The following NOTCH2 variants were observed in gnomAD, a reference collection of about 807,000 sequenced individuals.
NOTCH2 encodes notch receptor 2, also known as neurogenic locus notch homolog protein 2.
A neutral mutation model predicts 235.8 loss-of-function variants in NOTCH2; 29 were observed. The ratio of observed to expected loss-of-function variants is 0.12; its 90% CI spans 0.09 to 0.17. NOTCH2 has a LOEUF of 0.17. Ranked by LOEUF, NOTCH2 falls within the 10% of genes least tolerant of loss-of-function variation. The pLI, the probability that NOTCH2 is intolerant of heterozygous loss-of-function variation, is 1.00. For missense variants in NOTCH2, 2,285 were observed against 3,150.2 expected, an observed-to-expected ratio of 0.73 and a Z score of 6.57; for synonymous variants, 1,086 against 1,141.5, an observed-to-expected ratio of 0.95 and a Z score of 0.98.
chr1:119,971,381 G>A (rs1351217652), intron 5 of NOTCH2, among the ~76,000 whole-genome samples: 2 of 152,178 alleles, frequency 1.3e-5, no homozygotes, highest in Non-Finnish European at 2.9e-5. Flanking sequence ...AAACCCTCCT[G>A]GCCATGGCTG....
At chr1:120,003,136 T>C (rs1772496) in intron 3 of NOTCH2, among the ~76,000 whole-genome samples, 2 of 152,168 alleles carry the variant, frequency 1.3e-5, no homozygotes, top group Non-Finnish European at 2.9e-5. Flanking sequence ...CATCTGTCAG[T>C]AAATATAAAG....
intron 10 of NOTCH2, 115 bp downstream of exon 10, chr1:119,965,336 CAG>C: frequency 2.3e-6 from 2 of 864,904 alleles, no homozygotes; most frequent in Non-Finnish European, 4.0e-6. Flanking sequence ...TTCCTAAACA[CAG>C]AGGAGCCTCT....
chr1:119,974,680 T>C (rs952138638), intron 5 of NOTCH2, among the ~76,000 whole-genome samples: 5 of 152,232 alleles, frequency 3.3e-5, no homozygotes, highest in Non-Finnish European at 7.3e-5. Flanking sequence ...TAAGCTGCTC[T>C]GTCCACCTGA....
At chr1:119,952,357 C>T (rs1265888045) in intron 14 of NOTCH2, among the ~76,000 whole-genome samples, 1 of 152,080 alleles carries the variant, frequency 6.6e-6, no homozygotes, top group Non-Finnish European at 1.5e-5. Context: ...TTATTGTGCA[C>T]TTTACTTTTA....
chr1:119,943,047 A>G (rs1650119647), intron 17 of NOTCH2, among the ~76,000 whole-genome samples: 1 of 151,896 alleles, frequency 6.6e-6, no homozygotes, highest in African/African-American at 2.4e-5. Context: ...TAATTTTTGT[A>G]TTTTTAGTAC....
chr1:119,954,770 A>C (rs1002649184), intron 13 of NOTCH2, among the ~76,000 whole-genome samples: 7 of 152,234 alleles, frequency 4.6e-5, no homozygotes, highest in Non-Finnish European at 7.3e-5. Context: ...TCATACAATG[A>C]GTATGGGTTC....
intron 22 of NOTCH2, among the ~76,000 whole-genome samples, chr1:119,932,651 C>CTA (rs1649710797): frequency 1.3e-5 from 2 of 149,160 alleles, no homozygotes; most frequent in East Asian, 1.9e-4. Flanking sequence ...ATCTATCTAT[C>CTA]TCAGAGAGAG....
intron 5 of NOTCH2, among the ~76,000 whole-genome samples, chr1:119,981,228 G>C (rs960341958): frequency 7.1e-6 from 1 of 141,770 alleles, no homozygotes. Flanking sequence ...CACTCTTCTC[G>C]ATCACCTTCC....
intron 18 of NOTCH2, 62 bp from the exon 19 acceptor site, chr1:119,940,818 G>A: frequency 7.0e-7 from 1 of 1,426,138 alleles, no homozygotes; most frequent in Non-Finnish European, 9.9e-7. Context: ...CTACTACAAA[G>A]TAAGATTTCT....
intron 22 of NOTCH2, among the ~76,000 whole-genome samples, chr1:119,933,059 C>G (rs1553195358): frequency 6.6e-6 from 1 of 152,102 alleles, no homozygotes; most frequent in Non-Finnish European, 1.5e-5. Flanking sequence ...AGTATATGCT[C>G]CCTGTCTCAA....
rs779026020 is a variant in NOTCH2, at chr1:119,916,141, T to C, written c.6581A>G (p.His2194Arg). The C allele has an allele frequency of 1.9e-6, 3 of 1,614,122 alleles. No homozygotes were observed. The highest frequency in any genetic ancestry group is 2.2e-5 in the South Asian group (2 of 91,088). ...AGAAAAAGATAGTGCATGCTGGGCA[T>C]GGACTGGGGCAGGAGGGGCGGCAGT... Reference protein sequence around the residue: ...LATAAPPAPVHAQHALSFSNL... With the variant: ...LATAAPPAPVRAQHALSFSNL... The change falls in exon 34 of 34, where the codon CAT (histidine) becomes CGT (arginine). Residue 2194 changes from histidine to arginine, a missense_variant. This residue lies in a region of NOTCH2 where 504 missense variants were observed against 538.0 expected (regional missense o/e 0.94). Coordinates refer to ENST00000256646, the MANE Select transcript of NOTCH2 (RefSeq NM_024408.4).
At chr1:119,979,265 A>G (rs1319405690) in intron 5 of NOTCH2, among the ~76,000 whole-genome samples, 1 of 152,188 alleles carries the variant, frequency 6.6e-6, no homozygotes, top group Non-Finnish European at 1.5e-5. Context: ...GCTTTGCAGA[A>G]GAAAGAATGA....
intron 22 of NOTCH2, among the ~76,000 whole-genome samples, chr1:119,930,277 A>G (rs1557808934): frequency 6.6e-6 from 1 of 152,112 alleles, no homozygotes; most frequent in South Asian, 2.1e-4. Flanking sequence ...GTAATAGTGT[A>G]TAAGTGCACC....
Position 119,963,941 on chromosome 1 carries a change from G to T in NOTCH2, c.1682-134C>A. The T allele has an allele frequency of 5.2e-6, 4 of 764,384 alleles. No individual in the cohort carries two copies. The South Asian group carries it at 5.8e-5, about 11-fold the overall frequency. The allele number at this position is 764,384 out of a possible 1,614,324, so 47.4% of individuals were successfully genotyped here. A position where few individuals can be genotyped will look rare whatever the true frequency, so the allele number is the denominator to read the frequency against. ...TTAATACTGCAGGTCTTGAGCAGTA[G>T]AAAACGACGATCTGCATTGATTTAG... On this transcript the variant is annotated intron_variant, in intron 10 of 33. Transcript: ENST00000256646.
chr1:119,973,815 G>C (rs1477719853), intron 5 of NOTCH2, among the ~76,000 whole-genome samples: 3 of 152,156 alleles, frequency 2.0e-5, no homozygotes, highest in Non-Finnish European at 4.4e-5. Flanking sequence ...AGCCTGGGCT[G>C]GTGGTTGAAG....
rs920333951 is a variant in NOTCH2, at chr1:119,912,526, C to T, written c.*2780G>A. 4.3e-6 allele frequency: 1 copy of T among 233,030 alleles called. No individual in the cohort carries two copies. The highest frequency in any genetic ancestry group is 8.5e-6 in the Non-Finnish European group (1 of 117,960). 14.4% of individuals were successfully genotyped at this position (233,030 alleles called of 1,614,324 possible). ...GACTCTCTTTCCCTCATACCTTTCCCTTCCCCACCTCACATAAGAAAATGA... is the reference window on the plus strand; with the variant it reads ...GACTCTCTTTCCCTCATACCTTTCCTTTCCCCACCTCACATAAGAAAATGA... On this transcript the variant is annotated 3_prime_UTR_variant, in exon 34 of 34. Transcript: ENST00000256646.
intron 3 of NOTCH2, among the ~76,000 whole-genome samples, chr1:120,003,029 G>C (rs1319969117): frequency 6.6e-6 from 1 of 150,648 alleles, no homozygotes; most frequent in Non-Finnish European, 1.5e-5. Context: ...ATTGATCTTG[G>C]GTGTGTCTGT....
At chr1:120,017,309 A>C (rs1653483800) in intron 2 of NOTCH2, among the ~76,000 whole-genome samples, 1 of 150,168 alleles carries the variant, frequency 6.7e-6, no homozygotes, top group Non-Finnish European at 1.5e-5. Context: ...CTCATGGCTA[A>C]GCCCTAAAAT....
In NOTCH2 at chr1:119,912,646, A is replaced by G. The variant is rs1293401088; in HGVS notation, c.*2660T>C. On this transcript the variant is annotated 3_prime_UTR_variant, in exon 34 of 34. Transcript: ENST00000256646. ...GAGTCAAAGAAAGAAAGCATTTATA[A>G]CAATAAAAATAAACCAAAAATAGCA... is the stretch of plus-strand genomic sequence containing the variant. 1.3e-5 allele frequency: 3 copies of G among 233,080 alleles called. No homozygotes were observed. The highest frequency in any genetic ancestry group is 2.5e-5 in the Non-Finnish European group (3 of 118,012). The allele number at this position is 233,080 out of a possible 1,614,324, so 14.4% of individuals were successfully genotyped here.
Sources: gnomAD v4.1 joint callset for allele counts (sites outside exome capture counted in the v4.1 genomes callset) on GRCh38, gnomAD v4.1.1 for gene constraint, gnomAD v4.1.1 regional missense constraint, MANE v1.5 for transcripts, NCBI Gene and HGNC (gene_info 2026-07-23, HGNC 2026-07-21) for gene names.